Variants in SCLT1 observed in about 807,000 individuals in gnomAD.
SCLT1 encodes sodium channel and clathrin linker 1, also known as sodium channel-associated protein 1.
Under a neutral mutation model 112.8 loss-of-function variants are expected in SCLT1, and 78 were observed. That is an observed-to-expected ratio of 0.69 (90% CI 0.58 to 0.83). The LOEUF is 0.83. Among genes scored for constraint, SCLT1 ranks in the 40% least tolerant of loss-of-function variants. SCLT1 has a pLI of 0.00. For missense variants in SCLT1, 747 were observed against 770.4 expected (o/e 0.97, Z 0.36); for synonymous variants, 257 against 254.7 (o/e 1.01, Z -0.09).
intron 18 of SCLT1, among the ~76,000 whole-genome samples, chr4:128,914,235 T>A (rs1398623482): frequency 1.3e-5 from 2 of 151,858 alleles, no homozygotes; most frequent in Non-Finnish European, 2.9e-5. Flanking sequence ...GCATGGTGGC[T>A]GGCGCCTGTA....
intron 2 of SCLT1, among the ~76,000 whole-genome samples, chr4:129,052,110 G>C (rs1053963455): frequency 6.6e-5 from 10 of 152,140 alleles, no homozygotes; most frequent in African/African-American, 1.9e-4. Flanking sequence ...TTGATGTGCA[G>C]CTGAATTCTG....
intron 14 of SCLT1, among the ~76,000 whole-genome samples, chr4:128,949,867 T>C (rs1412797645): frequency 2.0e-5 from 3 of 151,610 alleles, no homozygotes; most frequent in African/African-American, 7.3e-5. Context: ...TTCCCCTAAT[T>C]GTGAATCATG....
chr4:128,946,075 C>T lies in SCLT1; in HGVS notation c.1371G>A (p.Glu457=), dbSNP rs1183901956. ...TTAGCTGAAGATCATCTTTTGAACG[C>T]TCTGAAACCAGGAATCTTTGGTGCA... ...EEMHQRFLVS[E]RSKDDLQLRL... Residue 457 remains glutamate (E), a synonymous_variant, in exon 16 of 21, where the codon GAG becomes GAA. Coordinates refer to ENST00000281142, the MANE Select transcript of SCLT1 (RefSeq NM_144643.4). The T allele has an allele frequency of 3.7e-6, 6 of 1,609,992 alleles. No individual in the cohort carries two copies. The highest frequency in any genetic ancestry group is 3.4e-6 in the Non-Finnish European group (4 of 1,176,590).
chr4:128,941,899 C>T (rs1212939033), intron 17 of SCLT1, among the ~76,000 whole-genome samples: 1 of 152,028 alleles, frequency 6.6e-6, no homozygotes, highest in Non-Finnish European at 1.5e-5. Context: ...ATTTGTGAAG[C>T]CAGTTTTCCC....
intron 18 of SCLT1, among the ~76,000 whole-genome samples, chr4:128,903,033 A>G (rs1734439637): frequency 6.6e-6 from 1 of 151,532 alleles, no homozygotes; most frequent in African/African-American, 2.4e-5. Context: ...CCTCTGGAAT[A>G]TAGCTCTTGA....
chr4:128,953,803 A>C (rs867378881), intron 13 of SCLT1, among the ~76,000 whole-genome samples: 20 of 139,160 alleles, frequency 1.4e-4, no homozygotes, highest in South Asian at 9.7e-4. Flanking sequence ...CATCTCAAAA[A>C]AAAAAAACAA....
intron 9 of SCLT1, among the ~76,000 whole-genome samples, chr4:128,972,540 T>C (rs1288870438): frequency 1.3e-5 from 2 of 152,038 alleles, no homozygotes; most frequent in South Asian, 2.1e-4. Flanking sequence ...CTTAATACAA[T>C]TCACTTGACC....
intron 14 of SCLT1, among the ~76,000 whole-genome samples, chr4:128,950,343 T>C (rs1427466001): frequency 1.3e-5 from 2 of 152,072 alleles, no homozygotes; most frequent in East Asian, 1.9e-4. Context: ...CACTGACAAA[T>C]GATGATGGCC....
At chr4:128,968,217 C>T (rs781410207) in intron 10 of SCLT1, among the ~76,000 whole-genome samples, 1 of 152,142 alleles carries the variant, frequency 6.6e-6, no homozygotes, top group Non-Finnish European at 1.5e-5. Flanking sequence ...TGTTGCATTG[C>T]TTCACATTGT....
At chr4:129,008,267 T>C (rs1459295629) in intron 5 of SCLT1, among the ~76,000 whole-genome samples, 2 of 152,216 alleles carry the variant, frequency 1.3e-5, no homozygotes, top group Admixed American at 6.5e-5. Context: ...TATTTAACCC[T>C]CCTTCTTGAA....
At chr4:128,927,511 G>A (rs56412705) in intron 18 of SCLT1, among the ~76,000 whole-genome samples, 1 of 151,978 alleles carries the variant, frequency 6.6e-6, no homozygotes, top group Non-Finnish European at 1.5e-5. Flanking sequence ...GGAGGTGGAG[G>A]TTGCAGTGAG....
intron 2 of SCLT1, among the ~76,000 whole-genome samples, chr4:129,072,320 T>C (rs1423995042): frequency 2.0e-5 from 3 of 152,152 alleles, no homozygotes; most frequent in Non-Finnish European, 4.4e-5. Context: ...TCCCAGATGT[T>C]CTTTGTGCTT....
intron 6 of SCLT1, among the ~76,000 whole-genome samples, chr4:129,003,223 G>T (rs1433421666): frequency 6.6e-6 from 1 of 151,970 alleles, no homozygotes; most frequent in Non-Finnish European, 1.5e-5. Context: ...TCATAAGTGG[G>T]AGTTAAACAA....
chr4:129,085,020 G>T (rs920492906), intron 1 of SCLT1, among the ~76,000 whole-genome samples: 1 of 152,138 alleles, frequency 6.6e-6, no homozygotes, highest in Non-Finnish European at 1.5e-5. Context: ...AATTACAAAT[G>T]GAAACTAATT....
Position 129,043,417 on chromosome 4 carries a change from T to G in SCLT1, c.212A>C (p.Asn71Thr), listed in dbSNP as rs199568333. The G allele has an allele frequency of 1.3e-6, 2 of 1,541,244 alleles. No individual in the cohort carries two copies. The highest frequency in any genetic ancestry group is 3.6e-5 in the Admixed American group (2 of 55,176). ...TEYDKHLGEL[N>T]GQLKYYQKQV... ...TACCTGGTAATATTTCAGCTGCCCA[T>G]TTAGTTCTCCTAGGTGTTTATCATA... Residue 71 changes from asparagine to threonine, a missense_variant, in exon 4 of 21, where the codon AAT (asparagine) becomes ACT (threonine). Asn to Thr is a moderately conservative substitution (Grantham distance 65). Coordinates refer to ENST00000281142, the MANE Select transcript of SCLT1 (RefSeq NM_144643.4).
intron 9 of SCLT1, among the ~76,000 whole-genome samples, chr4:128,984,959 A>G (rs927442908): frequency 6.6e-6 from 1 of 152,110 alleles, no homozygotes; most frequent in Non-Finnish European, 1.5e-5. Flanking sequence ...GTTTTATGCT[A>G]TAGATCCATA....
At chr4:128,986,315 C>A (rs189978876) in intron 9 of SCLT1, among the ~76,000 whole-genome samples, 3 of 152,280 alleles carry the variant, frequency 2.0e-5, no homozygotes, top group East Asian at 3.9e-4. Flanking sequence ...ATTCACCGTC[C>A]CAGTGGGAGA....
intron 18 of SCLT1, among the ~76,000 whole-genome samples, chr4:128,922,149 A>C (rs111718373): frequency 8.5e-5 from 13 of 152,306 alleles, no homozygotes; most frequent in African/African-American, 2.4e-4. Flanking sequence ...GAAAAATAAC[A>C]GATGCTGGCA....
chr4:129,061,093 A>G (rs1749923746), intron 2 of SCLT1, among the ~76,000 whole-genome samples: 1 of 152,180 alleles, frequency 6.6e-6, no homozygotes. Context: ...GAGTATACCT[A>G]GAAGTAAGCA....
Sources: gnomAD v4.1 joint callset for allele counts (sites outside exome capture counted in the v4.1 genomes callset) on GRCh38, gnomAD v4.1.1 for gene constraint, MANE v1.5 for transcripts, NCBI Gene and HGNC (gene_info 2026-07-23, HGNC 2026-07-21) for gene names.